Variants in GPC5 observed in about 807,000 individuals in gnomAD.
GPC5 encodes the protein glypican 5, also known as glypican-5.
A neutral mutation model predicts 53.9 loss-of-function variants in GPC5; 47 were observed. The ratio of observed to expected loss-of-function variants is 0.87; its 90% confidence interval spans 0.69 to 1.11. The LOEUF is 1.11. GPC5 is among the 50% of genes most tolerant of loss of function. The pLI is 0.00. For synonymous variants in GPC5, 286 were observed against 263.3 expected (o/e 1.09, Z -0.84); for missense variants, 748 against 713.1 (o/e 1.05, Z -0.56).
chr13:91,407,625 T>A (rs536732317), intron 1 of GPC5, among the ~76,000 whole-genome samples: 1 of 152,254 alleles, frequency 6.6e-6, no homozygotes, highest in Admixed American at 6.5e-5. Context: ...AACTAGAAAA[T>A]AATTCAGCTT....
chr13:91,867,023 C>T (rs1349106575), intron 5 of GPC5, among the ~76,000 whole-genome samples: 1 of 152,148 alleles, frequency 6.6e-6, no homozygotes, highest in Non-Finnish European at 1.5e-5. Flanking sequence ...TGAGACCAGC[C>T]TGACCAACAT....
intron 7 of GPC5, among the ~76,000 whole-genome samples, chr13:92,669,302 A>G (rs560970479): frequency 3.1e-4 from 47 of 152,140 alleles, no homozygotes; most frequent in African/African-American, 1.1e-3. Flanking sequence ...CACCATGACT[A>G]TGCATCTCAT....
At chr13:92,388,467 C>T (rs750682845) in intron 7 of GPC5, among the ~76,000 whole-genome samples, 8 of 152,100 alleles carry the variant, frequency 5.3e-5, no homozygotes, top group Admixed American at 3.3e-4. Flanking sequence ...CATCTGTCAT[C>T]ATTTCCGACA....
At chr13:91,932,291 GT>G (rs1299006552) in intron 6 of GPC5, among the ~76,000 whole-genome samples, 4 of 152,048 alleles carry the variant, frequency 2.6e-5, no homozygotes, top group African/African-American at 9.7e-5. Flanking sequence ...GCATGGGCAT[GT>G]CCAAAATTTC....
At chr13:91,691,286 T>C (rs1057411018) in intron 2 of GPC5, among the ~76,000 whole-genome samples, 1 of 152,224 alleles carries the variant, frequency 6.6e-6, no homozygotes, top group African/African-American at 2.4e-5. Flanking sequence ...CTGGACTGCT[T>C]GTTAAATATA....
At chr13:92,023,700 T>A (rs1536371) in intron 6 of GPC5, among the ~76,000 whole-genome samples, 103,840 of 134,502 alleles carry the variant, frequency 0.77, 38,365 homozygotes, top group East Asian at 0.96. Flanking sequence ...ACACACTCTC[T>A]CTCTCTCTTA....
intron 1 of GPC5, among the ~76,000 whole-genome samples, chr13:91,441,400 C>A (rs569952012): frequency 5.3e-5 from 8 of 152,262 alleles, no homozygotes; most frequent in Non-Finnish European, 1.2e-4. Context: ...CATGCTATTA[C>A]CCTGGGAAAT....
At position 92,431,458 on chromosome 13, in the gene GPC5, T is replaced by C. The variant is rs978112013; in HGVS notation, c.1561+286469T>C. Among the ~76,000 whole-genome samples the C allele has an allele frequency of 2.0e-5, 3 of 150,126 alleles. No homozygotes were observed. In the Admixed American group the frequency reaches 2.0e-4, roughly 10 times the overall value. ...GTGAAGAGGTAAGATTTAGGCTAAA[T>C]AGTTGAGGCAACTAGAAAGGTTCTA... On this transcript the variant is annotated intron_variant, in intron 7 of 7. Transcript: ENST00000377067.
At chr13:91,993,159 GAAGTGA>G (rs2040472480) in intron 6 of GPC5, among the ~76,000 whole-genome samples, 2 of 152,076 alleles carry the variant, frequency 1.3e-5, no homozygotes, top group Non-Finnish European at 2.9e-5. Flanking sequence ...ATATATATTT[GAAGTGA>G]ACAGTTTTTG....
chr13:92,553,309 T>C (rs931695526), intron 7 of GPC5, among the ~76,000 whole-genome samples: 9 of 152,006 alleles, frequency 5.9e-5, no homozygotes, highest in African/African-American at 1.9e-4. Context: ...AACTAATTTC[T>C]GTTCCATTGC....
chr13:91,967,338 G>A (rs1480498170), intron 6 of GPC5, among the ~76,000 whole-genome samples: 3 of 152,076 alleles, frequency 2.0e-5, no homozygotes, highest in Non-Finnish European at 2.9e-5. Context: ...TGGTGACACA[G>A]TTAAACCATA....
chr13:92,300,015 ACT>A (rs1377973305), intron 7 of GPC5, among the ~76,000 whole-genome samples: 2 of 152,102 alleles, frequency 1.3e-5, no homozygotes, highest in Non-Finnish European at 2.9e-5. Context: ...TTTAAATCAA[ACT>A]CTTTCTGAAA....
intron 7 of GPC5, among the ~76,000 whole-genome samples, chr13:92,475,395 T>C (rs1237840231): frequency 6.1e-5 from 9 of 146,816 alleles, no homozygotes; most frequent in Non-Finnish European, 1.0e-4. Context: ...TGGTTTGTAG[T>C]TCTCCTTGAA....
chr13:91,606,810 A>C (rs1169405670), intron 2 of GPC5, among the ~76,000 whole-genome samples: 1 of 151,982 alleles, frequency 6.6e-6, no homozygotes, highest in Non-Finnish European at 1.5e-5. Flanking sequence ...TATCCCCTTT[A>C]TCATTTTTTA....
chr13:92,793,610 A>C (rs541662179), intron 7 of GPC5, among the ~76,000 whole-genome samples: 1 of 152,214 alleles, frequency 6.6e-6, no homozygotes, highest in Admixed American at 6.5e-5. Context: ...TTTTTTGAAG[A>C]GATCAACAAA....
At chr13:91,712,233 A>T (rs1270759598) in intron 3 of GPC5, among the ~76,000 whole-genome samples, 1 of 152,086 alleles carries the variant, frequency 6.6e-6, no homozygotes, top group African/African-American at 2.4e-5. Flanking sequence ...TTATATTCAC[A>T]AGGACCATTA....
intron 7 of GPC5, among the ~76,000 whole-genome samples, chr13:92,283,889 A>T (rs1260065751): frequency 6.6e-6 from 1 of 152,244 alleles, no homozygotes; most frequent in Non-Finnish European, 1.5e-5. Flanking sequence ...AATAACTAAG[A>T]TCAGAGCAGA....
rs1288837786 is a variant in GPC5 at position 92,365,787 on chromosome 13, G to T, written c.1561+220798G>T. Among the ~76,000 whole-genome samples the T allele has an allele frequency of 2.0e-5, 3 of 150,796 alleles. 1 individual carries two copies. The highest frequency in any genetic ancestry group is 7.4e-5 in the African/African-American group (3 of 40,530). On this transcript the variant is annotated intron_variant, in intron 7 of 7. Transcript: ENST00000377067. ...CACCTTCACATCTTGTCCTACTGTG[G>T]GGTCTTCAGGGGCAATTGCGTGCAT...
chr13:91,675,196 A>T (rs1234164980), intron 2 of GPC5, among the ~76,000 whole-genome samples: 1 of 152,134 alleles, frequency 6.6e-6, no homozygotes, highest in African/African-American at 2.4e-5. Context: ...GGGAGATGAA[A>T]ATGGTAGAAA....
Sources: gnomAD v4.1 joint callset for allele counts (sites outside exome capture counted in the v4.1 genomes callset) on GRCh38, gnomAD v4.1.1 for gene constraint, MANE v1.5 for transcripts, NCBI Gene and HGNC (gene_info 2026-07-23, HGNC 2026-07-21) for gene names.